The following ABCA13 variants were observed in gnomAD, a reference collection of about 807,000 sequenced individuals.
The protein encoded by ABCA13 is ATP binding cassette subfamily A member 13, also known as ATP-binding cassette sub-family A member 13.
ABCA13 carries 476 observed loss-of-function variants against 478.7 expected under a neutral mutation model. The observed-to-expected ratio is 0.99, with a 90% CI of 0.92 to 1.07. The LOEUF (loss-of-function observed/expected upper bound fraction) is 1.07, where lower values mean the gene tolerates loss of function less well. Among genes scored for constraint, ABCA13 ranks in the 50% least tolerant of loss-of-function variants. The pLI, the probability that ABCA13 is intolerant of heterozygous loss-of-function variation, is 0.00. For missense variants in ABCA13, 6,060 were observed against 5,910.6 expected (o/e 1.03, Z -0.83); for synonymous variants, 2,252 against 2,158.9 (o/e 1.04, Z -1.20).
chr7:48,244,568 G>T lies in ABCA13; in HGVS notation c.1263-8G>T, dbSNP rs781079830. On this transcript the variant is annotated splice_region_variant and splice_polypyrimidine_tract_variant and intron_variant, in intron 10 of 61. Transcript: ENST00000435803. ...CATTTTATTTCATTTATTTATTTTTGCCCTCAGATTACAGCATCTGTGGAA... is the reference window on the plus strand; with the variant it reads ...CATTTTATTTCATTTATTTATTTTTTCCCTCAGATTACAGCATCTGTGGAA... 1 of 1,609,598 alleles carries T rather than the reference G, an allele frequency of 6.2e-7. No individual in the cohort carries two copies. Among genetic ancestry groups the T allele is most frequent in the African/African-American group, 1.3e-5 (1 of 74,866 alleles).
At position 48,277,636 on chromosome 7, in the gene ABCA13, G is replaced by A. The variant is rs573128719; in HGVS notation, c.6900-458G>A. ...CCCAGATGAGAAACATACAAGAAAG[G>A]GGCTTCTTCAGCTATTGTTTAGCCT... is the stretch of plus-strand genomic sequence containing the variant. On this transcript the variant is annotated intron_variant, in intron 17 of 61. Transcript: ENST00000435803. 2.3e-3 allele frequency among the ~76,000 whole-genome samples: 348 copies of A among 152,104 alleles called. 2 individuals carry two copies. Among genetic ancestry groups the A allele is most frequent in the African/African-American group, 8.1e-3 (335 of 41,496 alleles).
chr7:48,223,473 G>A (rs1677804827), intron 5 of ABCA13, among the ~76,000 whole-genome samples: 1 of 152,124 alleles, frequency 6.6e-6, no homozygotes, highest in South Asian at 2.1e-4. Context: ...GGGGTGTTGT[G>A]GAAGCCCAGG....
chr7:48,290,893 G>A (rs543037187), intron 20 of ABCA13, among the ~76,000 whole-genome samples: 2 of 122,426 alleles, frequency 1.6e-5, no homozygotes, highest in African/African-American at 6.3e-5. Context: ...AGCCTGAAAT[G>A]CCTGGGTGAG....
chr7:48,192,955 C>G lies in ABCA13; in HGVS notation c.70-4C>G. 1 of 1,441,036 alleles carries G rather than the reference C, an allele frequency of 6.9e-7. No individual in the cohort carries two copies. The highest frequency in any genetic ancestry group is 9.1e-7 in the Non-Finnish European group (1 of 1,095,706). The allele number at this position is 1,441,036 out of a possible 1,614,324, so 89.3% of individuals were successfully genotyped here. On this transcript the variant is annotated splice_region_variant and splice_polypyrimidine_tract_variant and intron_variant, in intron 1 of 61. Transcript: ENST00000435803. ...GTGATTTTTTTTTTTTTTTAATTTT[C>G]TAGGTCCTTTTCCTTGCTGAATTCT...
At chr7:48,184,518 A>C (rs1446055127) in intron 1 of ABCA13, among the ~76,000 whole-genome samples, 1 of 152,144 alleles carries the variant, frequency 6.6e-6, no homozygotes, top group Admixed American at 6.5e-5. Flanking sequence ...GAACATTTTA[A>C]AAAAGTTTCG....
At chr7:48,192,102 C>G (rs956141457) in intron 1 of ABCA13, among the ~76,000 whole-genome samples, 3 of 151,868 alleles carry the variant, frequency 2.0e-5, no homozygotes, top group Non-Finnish European at 2.9e-5. Flanking sequence ...CACCATAAAA[C>G]AAGTGAAGAA....
intron 36 of ABCA13, among the ~76,000 whole-genome samples, chr7:48,388,215 GC>G (rs1296629731): frequency 6.6e-6 from 1 of 152,104 alleles, no homozygotes; most frequent in Non-Finnish European, 1.5e-5. Flanking sequence ...TCCCCTCTGT[GC>G]ATTATGTGCA....
At chr7:48,450,771 A>G (rs1475082301) in intron 42 of ABCA13, among the ~76,000 whole-genome samples, 7 of 151,926 alleles carry the variant, frequency 4.6e-5, no homozygotes, top group African/African-American at 7.3e-5. Context: ...GTCACCTTTC[A>G]TGTTCATTTT....
intron 57 of ABCA13, among the ~76,000 whole-genome samples, chr7:48,594,078 T>C (rs1458371163): frequency 6.6e-6 from 1 of 152,148 alleles, no homozygotes; most frequent in African/African-American, 2.4e-5. Flanking sequence ...TATATCTTGA[T>C]GTTCAAATGT....
chr7:48,390,594 C>T (rs192466471), intron 37 of ABCA13, among the ~76,000 whole-genome samples: 1 of 152,344 alleles, frequency 6.6e-6, no homozygotes, highest in Admixed American at 6.5e-5. Context: ...TATGCTGCTC[C>T]AAGGTTTCCT....
At chr7:48,411,571 G>T (rs1235534578) in intron 40 of ABCA13, among the ~76,000 whole-genome samples, 1 of 152,110 alleles carries the variant, frequency 6.6e-6, no homozygotes, top group Non-Finnish European at 1.5e-5. Context: ...GCCTCCCAAA[G>T]TGTTGGGATT....
chr7:48,249,288 A>G lies in ABCA13; in HGVS notation c.1942A>G (p.Arg648Gly), dbSNP rs188974103. The change falls in exon 15 of 62, where the codon AGG (arginine) becomes GGG (glycine). Residue 648 changes from arginine (R) to glycine (G), a missense_variant. Physicochemically the swap from Arg to Gly is moderately radical, Grantham distance 125 (BLOSUM62 -2). Around this residue, in one of 3 missense-constraint regions of ABCA13, gnomAD observed 4,423 missense variants for 4,309.1 expected, o/e 1.03. Coordinates refer to ENST00000435803, the MANE Select transcript of ABCA13 (RefSeq NM_152701.5). ...YYWKAFKKFI[R>G]KTCEVAQYVN... ...TTGGAAAGCCTTCAAAAAGTTTATCAGGAAGACTTGCGAAGTGGCCCAATA... is the reference window on the plus strand; with the variant it reads ...TTGGAAAGCCTTCAAAAAGTTTATCGGGAAGACTTGCGAAGTGGCCCAATA... 1.7e-5 allele frequency: 27 copies of G among 1,613,466 alleles called. No homozygotes were observed. In the East Asian group the frequency reaches 5.8e-4, roughly 35 times the overall value.
intron 55 of ABCA13, among the ~76,000 whole-genome samples, chr7:48,553,329 A>G (rs935840916): frequency 5.9e-5 from 9 of 152,080 alleles, no homozygotes; most frequent in African/African-American, 1.9e-4. Context: ...GTATATACCT[A>G]GGAGTGAGAT....
chr7:48,374,106 G>A (rs929821440), intron 33 of ABCA13, among the ~76,000 whole-genome samples: 13 of 152,096 alleles, frequency 8.5e-5, no homozygotes, highest in Admixed American at 6.5e-5. Context: ...AAGCATCTCG[G>A]TAAAGAGAAA....
chr7:48,599,512 C>A (rs1790656953), intron 58 of ABCA13, among the ~76,000 whole-genome samples: 1 of 151,942 alleles, frequency 6.6e-6, no homozygotes, highest in Non-Finnish European at 1.5e-5. Context: ...ATATGTATTT[C>A]CAGTCTATGG....
intron 33 of ABCA13, among the ~76,000 whole-genome samples, chr7:48,372,821 C>T (rs1812866654): frequency 6.6e-6 from 1 of 152,068 alleles, no homozygotes; most frequent in Non-Finnish European, 1.5e-5. Context: ...ATTTCTAAAG[C>T]AATTTTAGAA....
chr7:48,422,599 C>T (rs1439534961), intron 41 of ABCA13, among the ~76,000 whole-genome samples: 5 of 152,280 alleles, frequency 3.3e-5, no homozygotes, highest in Non-Finnish European at 2.9e-5. Context: ...TACTTACCAA[C>T]GTCTCCTGTT....
chr7:48,506,439 A>G (rs1831216621), intron 49 of ABCA13, 49 bp downstream of exon 49: 1 of 1,594,736 alleles, frequency 6.3e-7, no homozygotes, highest in Non-Finnish European at 8.6e-7. Context: ...TATGGAAGAA[A>G]ATCTTTGTGT....
intron 37 of ABCA13, 55 bp downstream of exon 37, chr7:48,389,275 G>C: frequency 3.9e-6 from 6 of 1,547,314 alleles, no homozygotes; most frequent in Non-Finnish European, 5.3e-6. Context: ...TAAAACTTCA[G>C]TTTACCTGTG....
Sources: allele counts gnomAD v4.1 joint callset (sites outside exome capture counted in the v4.1 genomes callset), GRCh38; gene constraint gnomAD v4.1.1; regional missense constraint gnomAD v4.1.1; transcripts MANE v1.5; gene names NCBI Gene and HGNC (gene_info 2026-07-23, HGNC 2026-07-21).